The following NHSL1 variants were observed in gnomAD, a reference collection of about 807,000 sequenced individuals.
NHSL1 encodes NHS like 1, also known as NHS-like protein 1.
In NHSL1, 48 loss-of-function variants were observed where a neutral mutation model predicts 95.0. The ratio of observed to expected loss-of-function variants is 0.51; its 90% CI spans 0.40 to 0.64. NHSL1 has a LOEUF of 0.64. NHSL1 is among the 30% of genes least tolerant of loss of function. The probability of loss-of-function intolerance (pLI) is 0.00; values close to 1 mark genes in which losing one functional copy is unlikely to be tolerated. For synonymous variants in NHSL1, 783 were observed against 833.9 expected, an observed-to-expected ratio of 0.94 and a Z score of 1.05; for missense variants, 1,971 against 2,077.7, an observed-to-expected ratio of 0.95 and a Z score of 1.00.
At chr6:138,541,165 G>A (rs1214023007) in intron 1 of NHSL1, among the ~76,000 whole-genome samples, 2 of 152,116 alleles carry the variant, frequency 1.3e-5, no homozygotes, top group Non-Finnish European at 2.9e-5. Flanking sequence ...TCAGGAGGTC[G>A]AGATCAGCCT....
At chr6:138,535,843 C>T (rs752466587) in intron 1 of NHSL1, among the ~76,000 whole-genome samples, 9 of 152,162 alleles carry the variant, frequency 5.9e-5, no homozygotes, top group African/African-American at 9.7e-5. Context: ...TAGGAATTAT[C>T]GTAAACTGAG....
chr6:138,676,284 A>G (rs1373852497), intron 1 of NHSL1, among the ~76,000 whole-genome samples: 1 of 152,192 alleles, frequency 6.6e-6, no homozygotes, highest in Non-Finnish European at 1.5e-5. Context: ...ACCATCAGCT[A>G]TGGAGAAAAC....
At chr6:138,501,968 GT>G (rs1195559254), upstream of NHSL1, among the ~76,000 whole-genome samples, 1 of 151,912 alleles carries the variant, frequency 6.6e-6, no homozygotes, top group African/African-American at 2.4e-5. Flanking sequence ...TTTTATTGTG[GT>G]TTTTTCCCCA....
chr6:138,618,603 A>T (rs150934638), intron 1 of NHSL1, among the ~76,000 whole-genome samples: 163 of 152,304 alleles, frequency 1.1e-3, no homozygotes, highest in African/African-American at 3.7e-3. Context: ...GTTTTTTTTT[A>T]AATGAACACA....
In NHSL1 at chr6:138,424,278, C is replaced by T. The variant is rs1217010604; in HGVS notation, c.4624G>A (p.Gly1542Arg). ...CATCCCTCCGCAGCGCCCAGAGCCCCGCGGGCTATGCTGTCCACAGGCTCC... is the reference window on the plus strand; with the variant it reads ...CATCCCTCCGCAGCGCCCAGAGCCCTGCGGGCTATGCTGTCCACAGGCTCC... ...AVEPVDSIAR[G>R]ALGAAEGCSL... Residue 1542 changes from glycine to arginine, a missense_variant, in exon 8 of 8, where the codon GGG becomes AGG. This residue lies in a region of NHSL1 where 223 missense variants were observed against 217.0 expected (regional missense o/e 1.03). Coordinates refer to ENST00000343505, the MANE Select transcript of NHSL1 (RefSeq NM_001144060.2). This position sits in a 1 kb window ranked among gnomAD's most constrained non-coding sequence, Gnocchi z 5.9. The T allele has an allele frequency of 6.7e-6, 10 of 1,500,914 alleles. No individual in the cohort carries two copies. The South Asian group carries it at 7.8e-5, about 12-fold the overall frequency. 93.0% of individuals were successfully genotyped at this position (1,500,914 alleles called of 1,614,324 possible).
At chr6:138,446,002 G>A (rs898128263) in intron 4 of NHSL1, among the ~76,000 whole-genome samples, 4 of 151,640 alleles carry the variant, frequency 2.6e-5, no homozygotes, top group African/African-American at 9.7e-5. Flanking sequence ...CTCCTTGTGG[G>A]CTATGGAGGT....
At chr6:138,450,112 T>C (rs1242422659) in intron 3 of NHSL1, among the ~76,000 whole-genome samples, 1 of 152,236 alleles carries the variant, frequency 6.6e-6, no homozygotes, top group Non-Finnish European at 1.5e-5. Context: ...CATACTGATG[T>C]AAATCAATTA....
At chr6:138,687,397 C>T (rs1785598169) in intron 1 of NHSL1, among the ~76,000 whole-genome samples, 1 of 152,162 alleles carries the variant, frequency 6.6e-6, no homozygotes, top group South Asian at 2.1e-4. Flanking sequence ...GACCAGCCAA[C>T]CCTCTGGTTA....
At position 138,521,327 on chromosome 6, in the gene NHSL1, C is replaced by G. The variant is rs146841346; in HGVS notation, c.16+24296G>C. On this transcript the variant is annotated intron_variant, in intron 1 of 4. Transcript: ENST00000342260. ...ATAAAAATAAAAAAATTCACTGGGA[C>G]TGATTGTGCACACCTGTGGTCTCAG... 6.2e-3 allele frequency among the ~76,000 whole-genome samples: 951 copies of G among 152,204 alleles called. 23 individuals carry two copies. Among genetic ancestry groups the G allele is most frequent in the Admixed American group, 0.048 (739 of 15,260 alleles).
At chr6:138,494,451 G>C (rs1423133666) in intron 2 of NHSL1, among the ~76,000 whole-genome samples, 4 of 152,056 alleles carry the variant, frequency 2.6e-5, no homozygotes. Context: ...TTTTCCATCT[G>C]CAACAGTAAC....
At position 138,432,680 on chromosome 6, in the gene NHSL1, G is replaced by A. The variant is rs1775783942; in HGVS notation, c.1665C>T (p.Tyr555=). The change falls in exon 6 of 8, where the codon TAC becomes TAT. Residue 555 remains tyrosine, a synonymous_variant. Transcript: ENST00000343505. This position sits in a 1 kb window ranked among gnomAD's most constrained non-coding sequence, Gnocchi z 4.4. The stretch of plus-strand genomic sequence containing the variant: ...ATGCCCTTCCATTACCTGAGGATTT[G>A]TATTCCCAGGGCTCCGAGCTGCTGT... The part of the protein sequence containing the change: ...GGHSSSEPWE[Y]KSSGNGRASP... 1.3e-6 allele frequency: 2 copies of A among 1,551,536 alleles called. No individual in the cohort carries two copies. Among genetic ancestry groups the A allele is most frequent in the South Asian group, 2.4e-5 (2 of 84,058 alleles).
chr6:138,442,170 C>A, intron 4 of NHSL1, 56 bp from the exon 5 acceptor site: 2 of 1,439,520 alleles, frequency 1.4e-6, no homozygotes, highest in South Asian at 1.5e-5. Flanking sequence ...AAGCTGACAC[C>A]ATGCACTTTC....
chr6:138,676,520 C>T (rs1359567854), intron 1 of NHSL1, among the ~76,000 whole-genome samples: 1 of 152,116 alleles, frequency 6.6e-6, no homozygotes, highest in East Asian at 1.9e-4. Context: ...CACACAATTA[C>T]CATCTCAAGT....
At chr6:138,572,232 A>G (rs576980809) in exon 1 of NHSL1, 1 of 250,608 alleles carries the variant, frequency 4.0e-6, no homozygotes, top group South Asian at 6.0e-5. Context: ...TGTTCATTTC[A>G]GGAGTACTTG....
At chr6:138,548,109 G>A (rs1414883490), upstream of NHSL1, among the ~76,000 whole-genome samples, 3 of 151,970 alleles carry the variant, frequency 2.0e-5, no homozygotes, top group Non-Finnish European at 4.4e-5. Flanking sequence ...AGCCTCCCAA[G>A]TAGCTGGGAC....
chr6:138,545,746 G>A (rs574377878), upstream of NHSL1: 106 of 1,231,582 alleles, frequency 8.6e-5, no homozygotes, highest in East Asian at 1.0e-3. Flanking sequence ...GCCAGAGAGC[G>A]GGGCGGCCAG....
intron 3 of NHSL1, among the ~76,000 whole-genome samples, chr6:138,458,490 C>T (rs1202949509): frequency 6.6e-6 from 1 of 151,960 alleles, no homozygotes; most frequent in Non-Finnish European, 1.5e-5. Flanking sequence ...TCCGGGGGTT[C>T]GAGACCAGCC....
chr6:138,450,576 C>A (rs548032180), intron 3 of NHSL1, among the ~76,000 whole-genome samples: 1 of 152,300 alleles, frequency 6.6e-6, no homozygotes, highest in African/African-American at 2.4e-5. Flanking sequence ...TTCTAGTTGA[C>A]TGACACTGTC....
chr6:138,649,598 G>C (rs369582361), intron 1 of NHSL1, among the ~76,000 whole-genome samples: 1 of 152,230 alleles, frequency 6.6e-6, no homozygotes, highest in East Asian at 1.9e-4. Flanking sequence ...TATATGTGAG[G>C]CATCGCCATT....
Sources: allele counts gnomAD v4.1 joint callset (sites outside exome capture counted in the v4.1 genomes callset), GRCh38; gene constraint gnomAD v4.1.1; regional missense constraint gnomAD v4.1.1; non-coding constraint Gnocchi (gnomAD v3.1); transcripts MANE v1.5; gene names NCBI Gene and HGNC (gene_info 2026-07-23, HGNC 2026-07-21).